The following BCL9 variants were observed in gnomAD, a reference collection of about 807,000 sequenced individuals.
The protein encoded by BCL9 is B-cell CLL/lymphoma 9 protein.
Under a neutral mutation model 88.5 loss-of-function variants are expected in BCL9, and 25 were observed. The observed-to-expected ratio is 0.28, with a 90% CI of 0.21 to 0.39. The LOEUF is 0.39. BCL9 is among the 10% of genes least tolerant of loss of function. The pLI is 1.00. For missense variants in BCL9, 1,817 were observed against 1,877.8 expected (o/e 0.97, Z 0.60); for synonymous variants, 711 against 673.3 (o/e 1.06, Z -0.87).
chr1:147,587,256 T>G (rs779590225), intron 1 of BCL9, among the ~76,000 whole-genome samples: 1 of 138,218 alleles, frequency 7.2e-6, no homozygotes, highest in East Asian at 2.1e-4. Flanking sequence ...GTAGCTTACT[T>G]GTGGTTTATC....
At chr1:147,608,384 T>C (rs1657837391) in intron 3 of BCL9, among the ~76,000 whole-genome samples, 1 of 141,174 alleles carries the variant, frequency 7.1e-6, no homozygotes, top group African/African-American at 2.6e-5. Context: ...GTCTGAATGC[T>C]GATTGGAAAG....
Position 147,615,805 on chromosome 1 carries a change from C to G in BCL9, c.563C>G (p.Ala188Gly). Residue 188 changes from alanine (A) to glycine (G), a missense_variant and splice_region_variant, in exon 7 of 10, where the codon GCT becomes GGT. By Grantham distance (60) the Ala-to-Gly change is moderately conservative. Around this residue, in one of 2 missense-constraint regions of BCL9, gnomAD observed 1,228 missense variants for 1,191.6 expected, o/e 1.03. Coordinates refer to ENST00000234739, the MANE Select transcript of BCL9 (RefSeq NM_004326.4). ...TGCTGTCTCTTCCATCTTTGCAGAG[C>G]TGCAGAAGCTGTTTTGAAGGGCCAG... ...YVFSTEMANK[A>G]AEAVLKGQVE... 3 of 1,613,508 alleles carry G rather than the reference C, an allele frequency of 1.9e-6. No individual in the cohort carries two copies. The highest frequency in any genetic ancestry group is 2.5e-6 in the Non-Finnish European group (3 of 1,179,434).
intron 1 of BCL9, among the ~76,000 whole-genome samples, chr1:147,542,898 CT>C (rs1654398651): frequency 6.6e-6 from 1 of 152,118 alleles, no homozygotes; most frequent in African/African-American, 2.4e-5. Flanking sequence ...TAAACTCTAC[CT>C]TGGAGGTTAA....
At chr1:147,616,025 T>A in intron 7 of BCL9, 123 bp downstream of exon 7, 1 of 931,884 alleles carries the variant, frequency 1.1e-6, no homozygotes, top group Non-Finnish European at 1.6e-6. Context: ...TCTTGGCATT[T>A]AACCTAATTC....
chr1:147,624,259 A>G lies in BCL9; in HGVS notation c.3581A>G (p.Lys1194Arg). Residue 1194 changes from lysine (K) to arginine (R), a missense_variant, in exon 10 of 10, where the codon AAG becomes AGG. Coordinates refer to ENST00000234739, the MANE Select transcript of BCL9 (RefSeq NM_004326.4). The surrounding 1 kb of genome is among the most constrained non-coding windows in gnomAD (Gnocchi z 4.4). ...PQSSADAALC[K>R]PGGPGGPDSF... ...AGTTCAGCAGATGCAGCACTTTGCA[A>G]GCCTGGAGGCCCCGGGGGTCCTGAC... 6.2e-7 allele frequency: 1 copy of G among 1,614,186 alleles called. No homozygotes were observed. Among genetic ancestry groups the G allele is most frequent in the Non-Finnish European group, 8.5e-7 (1 of 1,180,028 alleles).
intron 7 of BCL9, among the ~76,000 whole-genome samples, chr1:147,616,435 T>C (rs1553203870): frequency 6.6e-6 from 1 of 152,226 alleles, no homozygotes; most frequent in African/African-American, 2.4e-5. Flanking sequence ...GTCTGTTTTC[T>C]ATCTGGATCT....
At position 147,619,437 on chromosome 1, in the gene BCL9, G is replaced by A. The variant is rs1553204565; in HGVS notation, c.1282G>A (p.Ala428Thr). ...ACCTGGGCCCCGGACAGACGTGGGA[G>A]CTCCATTTGGCCCTCAAGGACATAG... Reference protein sequence around the residue: ...KGPGPRTDVGAPFGPQGHRDV... With the variant: ...KGPGPRTDVGTPFGPQGHRDV... Residue 428 changes from alanine to threonine, a missense_variant, in exon 8 of 10, where the codon GCT becomes ACT. By Grantham distance (58) the Ala-to-Thr change is moderately conservative (BLOSUM62 0). Around this residue, in one of 2 missense-constraint regions of BCL9, gnomAD observed 1,228 missense variants for 1,191.6 expected, o/e 1.03. Transcript: ENST00000234739. The surrounding 1 kb of genome is among the most constrained non-coding windows in gnomAD (Gnocchi z 4.1). 6.2e-7 allele frequency: 1 copy of A among 1,614,008 alleles called. No homozygotes were observed. The highest frequency in any genetic ancestry group is 1.3e-5 in the African/African-American group (1 of 74,902).
rs1553204683 is a variant in BCL9, at chr1:147,619,638, T to C, written c.1483T>C (p.Cys495Arg). The C allele has an allele frequency of 6.2e-7, 1 of 1,613,986 alleles. No homozygotes were observed. The highest frequency in any genetic ancestry group is 2.2e-5 in the East Asian group (1 of 44,846). Residue 495 changes from cysteine to arginine, a missense_variant, in exon 8 of 10, where the codon TGT (cysteine) becomes CGT (arginine). Around this residue, in one of 2 missense-constraint regions of BCL9, gnomAD observed 1,228 missense variants for 1,191.6 expected, o/e 1.03. Transcript: ENST00000234739. This position sits in a 1 kb window ranked among gnomAD's most constrained non-coding sequence, Gnocchi z 4.1. The stretch of plus-strand genomic sequence containing the variant: ...GCAGGAACAAGTGGTTGTCCAGCAG[T>C]GTTCCCTCCAGGACATGATGGTCCA... ...RKQEQVVVQQ[C>R]SLQDMMVHQH...
At chr1:147,573,737 A>G (rs1480825758) in intron 1 of BCL9, among the ~76,000 whole-genome samples, 4 of 152,200 alleles carry the variant, frequency 2.6e-5, no homozygotes, top group African/African-American at 9.7e-5. Context: ...CATTTAACAC[A>G]ATGCCTGGTT....
chr1:147,545,679 G>A (rs1265668485), intron 1 of BCL9, among the ~76,000 whole-genome samples: 4 of 152,090 alleles, frequency 2.6e-5, no homozygotes, highest in Admixed American at 2.0e-4. Flanking sequence ...TTACAAATAC[G>A]GCTTTTGCAT....
At chr1:147,607,515 G>A (rs1421394783) in intron 3 of BCL9, among the ~76,000 whole-genome samples, 2 of 152,136 alleles carry the variant, frequency 1.3e-5, no homozygotes, top group Non-Finnish European at 2.9e-5. Flanking sequence ...TACAAAGCAT[G>A]AAAAATGTTG....
intron 3 of BCL9, among the ~76,000 whole-genome samples, chr1:147,608,833 A>G (rs1439644186): frequency 6.6e-6 from 1 of 152,224 alleles, no homozygotes; most frequent in African/African-American, 2.4e-5. Flanking sequence ...GCTCTACTTT[A>G]ACAGGCACTA....
At chr1:147,547,882 T>G (rs782645983) in intron 1 of BCL9, among the ~76,000 whole-genome samples, 13 of 152,206 alleles carry the variant, frequency 8.5e-5, no homozygotes, top group Non-Finnish European at 1.9e-4. Context: ...GAAAAGCATA[T>G]TCTACATATT....
intron 3 of BCL9, among the ~76,000 whole-genome samples, chr1:147,609,832 T>C (rs1553202409): frequency 6.6e-6 from 1 of 152,216 alleles, no homozygotes; most frequent in African/African-American, 2.4e-5. Flanking sequence ...CTGAGTATTA[T>C]AGAAAAACAA....
chr1:147,602,629 C>T (rs190601213), intron 1 of BCL9, among the ~76,000 whole-genome samples: 3 of 152,188 alleles, frequency 2.0e-5, no homozygotes, highest in African/African-American at 7.2e-5. Flanking sequence ...TTGTTAATAA[C>T]CATGTTGAAT....
Position 147,620,355 on chromosome 1 carries a change from C to T in BCL9, c.2200C>T (p.Pro734Ser). 1.9e-6 allele frequency: 3 copies of T among 1,614,200 alleles called. No individual in the cohort carries two copies. The highest frequency in any genetic ancestry group is 1.1e-5 in the South Asian group (1 of 91,082). The change falls in exon 8 of 10, where the codon CCT (proline) becomes TCT (serine). Residue 734 changes from proline (P) to serine (S), a missense_variant. Pro to Ser is a moderately conservative substitution (Grantham distance 74). Transcript: ENST00000234739. The part of the protein sequence containing the change: ...VNMGSNSQMI[P>S]QKMREAGAGP... ...CATGGGATCCAACTCTCAGATGATA[C>T]CTCAGAAGATGAGAGAGGCTGGGGC...
intron 1 of BCL9, among the ~76,000 whole-genome samples, chr1:147,558,822 G>A (rs1457198551): frequency 6.6e-6 from 1 of 152,122 alleles, no homozygotes; most frequent in Non-Finnish European, 1.5e-5. Context: ...AAAATTGATT[G>A]CGTGGCTCCA....
intron 1 of BCL9, among the ~76,000 whole-genome samples, chr1:147,593,965 A>G (rs1211132797): frequency 6.6e-6 from 1 of 152,170 alleles, no homozygotes; most frequent in African/African-American, 2.4e-5. Flanking sequence ...TTTTTGACCA[A>G]AATTACTTGG....
At position 147,620,241 on chromosome 1, in the gene BCL9, G is replaced by A; in HGVS notation, c.2086G>A (p.Gly696Arg). Reference sequence around the variant, plus strand: ...TCCTTCTAGGGGTGACTTTCCAAAAGGAATTCCCCCACAGATGGGCCCTGG... The same window carrying A: ...TCCTTCTAGGGGTGACTTTCCAAAAAGAATTCCCCCACAGATGGGCCCTGG... Reference protein sequence around the residue: ...LSPSRGDFPKGIPPQMGPGRE... With the variant: ...LSPSRGDFPKRIPPQMGPGRE... Residue 696 changes from glycine (G) to arginine (R), a missense_variant, in exon 8 of 10, where the codon GGA becomes AGA. By Grantham distance (125) the Gly-to-Arg change is moderately radical (BLOSUM62 -2). This residue lies in a region of BCL9 where 1,228 missense variants were observed against 1,191.6 expected (regional missense o/e 1.03). Coordinates refer to ENST00000234739, the MANE Select transcript of BCL9 (RefSeq NM_004326.4). The A allele has an allele frequency of 1.2e-6, 2 of 1,614,170 alleles. No individual in the cohort carries two copies. Among genetic ancestry groups the A allele is most frequent in the Non-Finnish European group, 1.7e-6 (2 of 1,180,018 alleles).
Sources: gnomAD v4.1 joint callset for allele counts (sites outside exome capture counted in the v4.1 genomes callset) on GRCh38, gnomAD v4.1.1 for gene constraint, gnomAD v4.1.1 regional missense constraint, Gnocchi (gnomAD v3.1) non-coding constraint, MANE v1.5 for transcripts, NCBI Gene and HGNC (gene_info 2026-07-23, HGNC 2026-07-21) for gene names.